The following SGCZ variants were observed in gnomAD, a reference collection of about 807,000 sequenced individuals.
The protein encoded by SGCZ is sarcoglycan zeta.
A neutral mutation model predicts 41.3 loss-of-function variants in SGCZ; 40 were observed. The observed-to-expected ratio is 0.97, with a 90% CI of 0.75 to 1.26. SGCZ has a LOEUF of 1.26. Among genes scored for constraint, SGCZ ranks in the 50% most tolerant of loss-of-function variants. SGCZ has a pLI of 0.00. For synonymous variants in SGCZ, 206 were observed against 137.5 expected (o/e 1.50, Z -3.49); for missense variants, 552 against 369.8 (o/e 1.49, Z -4.04).
intron 7 of SGCZ, 94 bp from the exon 8 acceptor site, chr8:14,090,731 G>T: frequency 9.1e-7 from 1 of 1,099,374 alleles, no homozygotes; most frequent in Non-Finnish European, 1.3e-6. Flanking sequence ...TAAGGAAGTC[G>T]ACACAACAAA....
chr8:15,136,830 G>A (rs186426234), intron 1 of SGCZ, among the ~76,000 whole-genome samples: 167 of 152,140 alleles, frequency 1.1e-3, no homozygotes, highest in Non-Finnish European at 1.8e-3. Flanking sequence ...CTGTTAGAAC[G>A]CAATAATCCA....
intron 3 of SGCZ, among the ~76,000 whole-genome samples, chr8:14,248,528 T>C (rs1351435826): frequency 6.6e-6 from 1 of 152,116 alleles, no homozygotes; most frequent in African/African-American, 2.4e-5. Flanking sequence ...GAATTGGTAC[T>C]GTAAAAAGAA....
chr8:14,479,572 A>G (rs1053471550), intron 2 of SGCZ, among the ~76,000 whole-genome samples: 3 of 152,126 alleles, frequency 2.0e-5, no homozygotes, highest in South Asian at 2.1e-4. Context: ...TTATCTATTT[A>G]GAGCTATCAT....
At chr8:14,429,043 A>C (rs728845) in intron 2 of SGCZ, among the ~76,000 whole-genome samples, 3 of 152,084 alleles carry the variant, frequency 2.0e-5, no homozygotes, top group South Asian at 2.1e-4. Flanking sequence ...TGTTGTGAAG[A>C]ACCTAGCACG....
intron 1 of SGCZ, among the ~76,000 whole-genome samples, chr8:14,687,474 T>C (rs1722157459): frequency 1.3e-5 from 2 of 151,850 alleles, no homozygotes; most frequent in African/African-American, 4.8e-5. Context: ...GAAAGTTTAC[T>C]GAGAATGATG....
At chr8:15,103,231 T>A (rs964032729) in intron 1 of SGCZ, among the ~76,000 whole-genome samples, 3 of 151,894 alleles carry the variant, frequency 2.0e-5, no homozygotes, top group African/African-American at 7.3e-5. Flanking sequence ...TGGAACCCCA[T>A]CTCTACTAAA....
At chr8:14,092,545 C>A (rs1314472067) in intron 7 of SGCZ, among the ~76,000 whole-genome samples, 1 of 151,930 alleles carries the variant, frequency 6.6e-6, no homozygotes, top group African/African-American at 2.4e-5. Flanking sequence ...CCATAATTCC[C>A]ATGTATTGTG....
chr8:14,855,977 A>G (rs909375550), intron 1 of SGCZ, among the ~76,000 whole-genome samples: 2 of 152,226 alleles, frequency 1.3e-5, no homozygotes, highest in Non-Finnish European at 2.9e-5. Flanking sequence ...AAACAATGCT[A>G]CAATATAGTT....
At chr8:14,257,612 A>G (rs1585288713) in intron 3 of SGCZ, among the ~76,000 whole-genome samples, 1 of 150,656 alleles carries the variant, frequency 6.6e-6, no homozygotes, top group Non-Finnish European at 1.5e-5. Context: ...AGGTATATCT[A>G]CTAATGCTAT....
intron 7 of SGCZ, among the ~76,000 whole-genome samples, chr8:14,092,535 C>T (rs1031935939): frequency 3.9e-5 from 6 of 151,908 alleles, no homozygotes; most frequent in African/African-American, 7.3e-5. Flanking sequence ...ATTGTAACCC[C>T]CATAATTCCC....
chr8:14,440,374 G>A (rs1035590061), intron 2 of SGCZ, among the ~76,000 whole-genome samples: 2 of 151,960 alleles, frequency 1.3e-5, no homozygotes, highest in African/African-American at 2.4e-5. Flanking sequence ...TTTGAATTTG[G>A]TGATAAAACA....
At chr8:14,771,166 T>C (rs1189669788) in intron 1 of SGCZ, among the ~76,000 whole-genome samples, 2 of 151,700 alleles carry the variant, frequency 1.3e-5, no homozygotes, top group Non-Finnish European at 3.0e-5. Context: ...CAGAACTAAC[T>C]ACCCAAGGCA....
At chr8:14,412,332 T>C (rs13263388) in intron 2 of SGCZ, among the ~76,000 whole-genome samples, 47,976 of 151,726 alleles carry the variant, frequency 0.32, 7,648 homozygotes, top group Admixed American at 0.36. Flanking sequence ...TAGTAGACTG[T>C]GACACATAGT....
At chr8:14,505,398 G>T (rs78507076) in intron 2 of SGCZ, among the ~76,000 whole-genome samples, 2 of 152,162 alleles carry the variant, frequency 1.3e-5, no homozygotes, top group East Asian at 3.9e-4. Flanking sequence ...GAACTTCTCT[G>T]AAGTTATTCT....
intron 2 of SGCZ, among the ~76,000 whole-genome samples, chr8:14,347,318 C>T (rs897498836): frequency 2.1e-4 from 32 of 152,160 alleles, no homozygotes; most frequent in African/African-American, 7.5e-4. Context: ...AGGATTCCTA[C>T]AATAATTTGC....
At chr8:14,820,177 G>A (rs574636252) in intron 1 of SGCZ, among the ~76,000 whole-genome samples, 4 of 152,026 alleles carry the variant, frequency 2.6e-5, no homozygotes, top group Non-Finnish European at 4.4e-5. Context: ...TAAATGGAAG[G>A]CATAGAAAAA....
intron 1 of SGCZ, among the ~76,000 whole-genome samples, chr8:14,587,437 G>A (rs183703348): frequency 1.1e-4 from 16 of 151,452 alleles, no homozygotes; most frequent in Non-Finnish European, 1.6e-4. Context: ...TTTGGGAGAC[G>A]AAGGCAGGAA....
chr8:14,768,111 C>G (rs768452412), intron 1 of SGCZ, among the ~76,000 whole-genome samples: 3 of 152,044 alleles, frequency 2.0e-5, no homozygotes, highest in Non-Finnish European at 4.4e-5. Flanking sequence ...CCTAAAATGC[C>G]AAAAAGAATA....
chr8:14,162,984 C>T (rs1469577512), intron 5 of SGCZ, among the ~76,000 whole-genome samples: 4 of 152,210 alleles, frequency 2.6e-5, no homozygotes, highest in African/African-American at 9.6e-5. Flanking sequence ...CATCCTCCCA[C>T]ATCAGCCTCC....
Sources: gnomAD v4.1 joint callset for allele counts (sites outside exome capture counted in the v4.1 genomes callset) on GRCh38, gnomAD v4.1.1 for gene constraint, MANE v1.5 for transcripts, NCBI Gene and HGNC (gene_info 2026-07-23, HGNC 2026-07-21) for gene names.